The following MAST1 variants were observed in gnomAD, a reference collection of about 807,000 sequenced individuals.
The protein encoded by MAST1 is microtubule associated serine/threonine kinase 1.
Under a neutral mutation model 124.6 loss-of-function variants are expected in MAST1, and 40 were observed. That is an observed-to-expected ratio of 0.32 (90% confidence interval 0.25 to 0.42). The LOEUF is 0.42. Among genes scored for constraint, MAST1 ranks in the 10% least tolerant of loss-of-function variants. The pLI, the probability that MAST1 is intolerant of heterozygous loss-of-function variation, is 1.00. For missense variants in MAST1, 1,558 were observed against 2,181.9 expected, an observed-to-expected ratio of 0.71 and a Z score of 5.70; for synonymous variants, 938 against 939.4, an observed-to-expected ratio of 1.00 and a Z score of 0.03.
rs774442340 is a variant in MAST1, at chr19:12,843,487, G to A, written c.249-42G>A. 8 of 1,553,460 alleles carry A rather than the reference G, an allele frequency of 5.1e-6. No homozygotes were observed. Among genetic ancestry groups the A allele is most frequent in the South Asian group, 2.2e-5 (2 of 89,338 alleles). On this transcript the variant is annotated intron_variant, in intron 3 of 25. Transcript: ENST00000251472. This position sits in a 1 kb window ranked among gnomAD's most constrained non-coding sequence, Gnocchi z 4.9. ...CCACACCCTGAGGAGTTGGGGGACC[G>A]CTGGGGCCTTGTGGCCTCTGAGCAC... is the stretch of plus-strand genomic sequence containing the variant.
chr19:12,867,240 G>A (rs1206835140), intron 18 of MAST1, among the ~76,000 whole-genome samples: 7 of 152,154 alleles, frequency 4.6e-5, no homozygotes, highest in Admixed American at 4.6e-4. Flanking sequence ...GCTGTGTAGA[G>A]AGCAGATTGG....
intron 20 of MAST1, 72 bp from the exon 21 acceptor site, chr19:12,868,571 C>T (rs769449950): frequency 1.7e-5 from 23 of 1,357,292 alleles, no homozygotes; most frequent in Non-Finnish European, 2.3e-5. Context: ...AAGAGCATTC[C>T]AGGCAGGGAA....
intron 10 of MAST1, among the ~76,000 whole-genome samples, chr19:12,855,579 A>G (rs979929011): frequency 1.3e-4 from 20 of 152,200 alleles, no homozygotes; most frequent in African/African-American, 4.1e-4. Flanking sequence ...ACCCTGGTCT[A>G]CTGGCCCCTG....
Position 12,867,735 on chromosome 19 carries a change from G to A in MAST1, c.2324G>A (p.Arg775Gln). The A allele has an allele frequency of 3.3e-6, 5 of 1,531,630 alleles. No individual in the cohort carries two copies. The highest frequency in any genetic ancestry group is 4.4e-6 in the Non-Finnish European group (5 of 1,139,960). The allele number at this position is 1,531,630 out of a possible 1,614,324, so 94.9% of individuals were successfully genotyped here. The change falls in exon 20 of 26, where the codon CGA becomes CAA. Residue 775 changes from arginine (R) to glutamine (Q), a missense_variant. Arg to Gln is a conservative substitution (Grantham distance 43, BLOSUM62 1). Coordinates refer to ENST00000251472, the MANE Select transcript of MAST1 (RefSeq NM_014975.3). Reference sequence around the variant, plus strand: ...ACCACGCCCCCTCCATGCAGCAAGCGATTCTCCGCGTCCGAGGCCAGTTTC... The same window carrying A: ...ACCACGCCCCCTCCATGCAGCAAGCAATTCTCCGCGTCCGAGGCCAGTTTC... ...TWRGGSPEIK[R>Q]FSASEASFLE...
chr19:12,864,790 C>T lies in MAST1; in HGVS notation c.1367-19C>T, dbSNP rs1489391888. ...AGGAATGCCTCCCTTTTTATGCGGG[C>T]CCATTTCCTGGCCTGCAGGCGGCGA... On this transcript the variant is annotated intron_variant, in intron 12 of 25. Coordinates refer to ENST00000251472, the MANE Select transcript of MAST1 (RefSeq NM_014975.3). 6.2e-7 allele frequency: 1 copy of T among 1,613,192 alleles called. No individual in the cohort carries two copies. The highest frequency in any genetic ancestry group is 1.7e-5 in the Admixed American group (1 of 60,000).
chr19:12,839,918 AAAT>A (rs1480690887), intron 1 of MAST1, among the ~76,000 whole-genome samples: 1 of 152,142 alleles, frequency 6.6e-6, no homozygotes, highest in African/African-American at 2.4e-5. Context: ...AAAAGAAAAA[AAAT>A]AATAATAATA....
intron 10 of MAST1, among the ~76,000 whole-genome samples, chr19:12,857,633 C>A (rs1246275637): frequency 6.6e-6 from 1 of 151,528 alleles, no homozygotes; most frequent in South Asian, 2.1e-4. Flanking sequence ...AGGATGGTCT[C>A]GATCTCCTGA....
intron 7 of MAST1, among the ~76,000 whole-genome samples, chr19:12,851,153 G>T (rs2145894179): frequency 6.6e-6 from 1 of 152,010 alleles, no homozygotes; most frequent in South Asian, 2.1e-4. Flanking sequence ...TTGCCATGTT[G>T]GGCAGGCTGG....
Position 12,852,195 on chromosome 19 carries a change from C to G in MAST1, c.957C>G (p.Asp319Glu). The G allele has an allele frequency of 6.2e-7, 1 of 1,614,100 alleles. No individual in the cohort carries two copies. The highest frequency in any genetic ancestry group is 8.5e-7 in the Non-Finnish European group (1 of 1,180,014). Reference protein sequence around the residue: ...HAKEGHLVKTDIPRYIIRQLG... With the variant: ...HAKEGHLVKTEIPRYIIRQLG... ...AGGAGGGCCACCTTGTGAAGACGGA[C>G]ATCCCCCGCTACATCATCCGCCAGC... The change falls in exon 9 of 26, where the codon GAC becomes GAG. Residue 319 changes from aspartate (D) to glutamate (E), a missense_variant. Asp to Glu is a conservative substitution (Grantham distance 45). This residue lies in a region of MAST1 where 136 missense variants were observed against 160.9 expected (regional missense o/e 0.85). Transcript: ENST00000251472.
intron 12 of MAST1, among the ~76,000 whole-genome samples, chr19:12,864,029 A>G (rs1970118952): frequency 6.7e-6 from 1 of 148,816 alleles, no homozygotes. Flanking sequence ...GGTTCAAGCC[A>G]TTCTTCTGCC....
chr19:12,860,923 A>G (rs1318907002), intron 12 of MAST1, among the ~76,000 whole-genome samples: 1 of 151,680 alleles, frequency 6.6e-6, no homozygotes, highest in Non-Finnish European at 1.5e-5. Flanking sequence ...CCTCCTCATC[A>G]TCTCCCTCGT....
intron 12 of MAST1, among the ~76,000 whole-genome samples, chr19:12,863,871 C>T (rs1345380714): frequency 6.6e-6 from 1 of 151,618 alleles, no homozygotes; most frequent in Non-Finnish European, 1.5e-5. Flanking sequence ...CCTTTGAACC[C>T]AAGAGTTGGA....
intron 12 of MAST1, among the ~76,000 whole-genome samples, chr19:12,863,209 T>G (rs930970337): frequency 7.9e-6 from 1 of 126,906 alleles, no homozygotes; most frequent in African/African-American, 2.9e-5. Flanking sequence ...TAAGAAAAGA[T>G]AATCCATTTG....
Position 12,847,602 on chromosome 19 carries a change from C to G in MAST1, c.489-10C>G. On this transcript the variant is annotated splice_polypyrimidine_tract_variant and intron_variant, in intron 5 of 25. Coordinates refer to ENST00000251472, the MANE Select transcript of MAST1 (RefSeq NM_014975.3). The surrounding 1 kb of genome is among the most constrained non-coding windows in gnomAD (Gnocchi z 5.5). ...AGAGGACTCGACAAAATGGGCTTCT[C>G]TCCCCGCAGCCCCGGGCGCTCCCCC... The G allele has an allele frequency of 1.9e-6, 3 of 1,614,048 alleles. No homozygotes were observed. The highest frequency in any genetic ancestry group is 1.7e-6 in the Non-Finnish European group (2 of 1,179,928).
chr19:12,873,985 G>C lies in MAST1; in HGVS notation c.3828G>C (p.Ala1276=), dbSNP rs747822217. The C allele has an allele frequency of 6.2e-7, 1 of 1,602,584 alleles. No individual in the cohort carries two copies. Among genetic ancestry groups the C allele is most frequent in the Non-Finnish European group, 8.5e-7 (1 of 1,179,172 alleles). Residue 1276 remains alanine (A), a synonymous_variant, in exon 26 of 26, where the codon GCG becomes GCC. Transcript: ENST00000251472. ...AGAAGCTGGGAGCCTCTTTGAGTGC[G>C]GACAAGAAGGGCGCGCTGCGCAAAC... ...SAEKLGASLS[A]DKKGALRKHS... is the part of the protein sequence containing the mutation.
At position 12,840,481 on chromosome 19, in the gene MAST1, C is replaced by G; in HGVS notation, c.119C>G (p.Thr40Ser). Residue 40 changes from threonine to serine, a missense_variant, in exon 2 of 26, where the codon ACC becomes AGC. Thr to Ser is a moderately conservative substitution (Grantham distance 58). Coordinates refer to ENST00000251472, the MANE Select transcript of MAST1 (RefSeq NM_014975.3). ...RTSNRKSLIL[T>S]STSPTLPRPH... is the part of the protein sequence containing the mutation. ...AGTAATCGGAAAAGCCTCATCCTGA[C>G]CAGCACTTCACCCACGCTACCGAGA... is the stretch of plus-strand genomic sequence containing the variant. 6.2e-7 allele frequency: 1 copy of G among 1,614,076 alleles called. No individual in the cohort carries two copies. The highest frequency in any genetic ancestry group is 8.5e-7 in the Non-Finnish European group (1 of 1,179,946).
chr19:12,838,521 G>T lies in MAST1; in HGVS notation c.-52G>T, dbSNP rs1282956836. The T allele has an allele frequency of 3.7e-5, 50 of 1,358,902 alleles. No individual in the cohort carries two copies. The highest frequency in any genetic ancestry group is 4.7e-5 in the Non-Finnish European group (48 of 1,031,456). 84.2% of individuals were successfully genotyped at this position (1,358,902 alleles called of 1,614,324 possible). A position where few individuals can be genotyped will look rare whatever the true frequency, so the allele number is the denominator to read the frequency against. On this transcript the variant is annotated 5_prime_UTR_variant, in exon 1 of 26. Coordinates refer to ENST00000251472, the MANE Select transcript of MAST1 (RefSeq NM_014975.3). The surrounding 1 kb of genome is among the most constrained non-coding windows in gnomAD (Gnocchi z 4.3). ...GCTTGCTCCCCGCGCCGCCGCCGCC[G>T]CCGCCTCCGCCGCTGCTGCCGCACC... is the stretch of plus-strand genomic sequence containing the variant.
chr19:12,871,010 A>G (rs1341109786), intron 23 of MAST1, 26 bp from the exon 24 acceptor site: 2 of 1,614,000 alleles, frequency 1.2e-6, no homozygotes, highest in Non-Finnish European at 1.7e-6. Flanking sequence ...CCCCTAGCAG[A>G]GCATTTTCCC....
Position 12,873,732 on chromosome 19 carries a change from G to T in MAST1, c.3575G>T (p.Arg1192Leu). ...GLSPKLHRQY[R>L]SARCKSAGNI... is the part of the protein sequence containing the mutation. ...TCGCCAAAGCTCCATCGCCAGTACC[G>T]CTCTGCGCGATGCAAGTCGGCCGGC... Residue 1192 changes from arginine (R) to leucine (L), a missense_variant, in exon 26 of 26, where the codon CGC (arginine) becomes CTC (leucine). Arg to Leu is a moderately radical substitution (Grantham distance 102, BLOSUM62 -2). Transcript: ENST00000251472. The T allele has an allele frequency of 6.2e-7, 1 of 1,602,168 alleles. No homozygotes were observed. Among genetic ancestry groups the T allele is most frequent in the Non-Finnish European group, 8.5e-7 (1 of 1,179,216 alleles).
Sources: gnomAD v4.1 joint callset for allele counts (sites outside exome capture counted in the v4.1 genomes callset) on GRCh38, gnomAD v4.1.1 for gene constraint, gnomAD v4.1.1 regional missense constraint, Gnocchi (gnomAD v3.1) non-coding constraint, MANE v1.5 for transcripts, NCBI Gene and HGNC (gene_info 2026-07-23, HGNC 2026-07-21) for gene names.